Variants in DLG2 observed in about 807,000 individuals in gnomAD.
DLG2 encodes the protein disks large homolog 2.
Under a neutral mutation model 132.5 loss-of-function variants are expected in DLG2, and 45 were observed. That is an observed-to-expected ratio of 0.34 (90% CI 0.27 to 0.44). The LOEUF (loss-of-function observed/expected upper bound fraction) is 0.44, where lower values mean the gene tolerates loss of function less well. Among genes scored for constraint, DLG2 ranks in the 20% least tolerant of loss-of-function variants. DLG2 has a pLI of 1.00. For synonymous variants in DLG2, 424 were observed against 419.6 expected, an observed-to-expected ratio of 1.01 and a Z score of -0.13; for missense variants, 1,045 against 1,196.9, an observed-to-expected ratio of 0.87 and a Z score of 1.87.
chr11:83,696,252 G>C (rs1260977325), intron 18 of DLG2, among the ~76,000 whole-genome samples: 1 of 152,152 alleles, frequency 6.6e-6, no homozygotes, highest in African/African-American at 2.4e-5. Context: ...ATATTAGGAA[G>C]GAGAAAATCT....
chr11:84,957,792 G>A (rs984423359), intron 6 of DLG2, among the ~76,000 whole-genome samples: 1 of 152,164 alleles, frequency 6.6e-6, no homozygotes, highest in Admixed American at 6.5e-5. Context: ...TAAGACTCAC[G>A]TGTATCATCT....
chr11:85,368,324 A>C (rs757904159), intron 3 of DLG2, among the ~76,000 whole-genome samples: 4 of 152,192 alleles, frequency 2.6e-5, no homozygotes, highest in Non-Finnish European at 2.9e-5. Flanking sequence ...TAAGAAGACA[A>C]AGCCCTGTGC....
At chr11:85,473,295 C>A (rs2093043147) in intron 3 of DLG2, among the ~76,000 whole-genome samples, 1 of 152,134 alleles carries the variant, frequency 6.6e-6, no homozygotes, top group Non-Finnish European at 1.5e-5. Context: ...CACAAGGTCC[C>A]CAGCTGGCAA....
chr11:83,740,614 T>TCC (rs1180829502), intron 18 of DLG2, among the ~76,000 whole-genome samples: 1 of 152,184 alleles, frequency 6.6e-6, no homozygotes, highest in Admixed American at 6.5e-5. Flanking sequence ...TACTTCTGAT[T>TCC]TGTGCATTTT....
chr11:84,080,641 G>C (rs1428400261), intron 10 of DLG2, among the ~76,000 whole-genome samples: 1 of 152,152 alleles, frequency 6.6e-6, no homozygotes, highest in Non-Finnish European at 1.5e-5. Flanking sequence ...TCAACATGCA[G>C]ATAAACAGGG....
Position 85,185,612 on chromosome 11 carries a change from T to G in DLG2, c.187-30961A>C, listed in dbSNP as rs111409995. Among the ~76,000 whole-genome samples, 347 of 151,830 alleles carry G rather than the reference T, an allele frequency of 2.3e-3. 3 individuals carry two copies. The highest frequency in any genetic ancestry group is 8.0e-3 in the African/African-American group (331 of 41,456). On this transcript the variant is annotated intron_variant, in intron 4 of 27. Transcript: ENST00000376104. ...TTCCCAGTGCCACTAATACTCTTTT[T>G]TCCACCCTTCTATCTGCTTGGCTGA...
intron 5 of DLG2, among the ~76,000 whole-genome samples, chr11:85,134,654 A>G (rs183475369): frequency 1.3e-3 from 205 of 152,020 alleles, no homozygotes; most frequent in Middle Eastern, 3.4e-3. Flanking sequence ...CAATATCCCA[A>G]TAACCTCCTG....
Position 83,877,023 on chromosome 11 carries a change from T to C in DLG2, c.1497-2535A>G, listed in dbSNP as rs181031300. ...CATGTTGATATCAATTACTTTTTTC[T>C]TATTTTACAATTTTCTTCAGATGCG... On this transcript the variant is annotated intron_variant, in intron 15 of 27. Coordinates refer to ENST00000376104, the MANE Select transcript of DLG2 (RefSeq NM_001142699.3). 1.5e-4 allele frequency among the ~76,000 whole-genome samples: 23 copies of C among 152,236 alleles called. No homozygotes were observed. In the South Asian group the frequency reaches 2.3e-3, roughly 15 times the overall value.
At chr11:85,010,822 C>T (rs771671241) in intron 6 of DLG2, among the ~76,000 whole-genome samples, 58 of 152,090 alleles carry the variant, frequency 3.8e-4, no homozygotes, top group Middle Eastern at 3.4e-3. Flanking sequence ...TGGTTTCCAC[C>T]GCAAAACAAA....
intron 7 of DLG2, among the ~76,000 whole-genome samples, chr11:84,406,293 T>C (rs1198104975): frequency 6.6e-6 from 1 of 152,262 alleles, no homozygotes; most frequent in South Asian, 2.1e-4. Flanking sequence ...CTGACCTTTT[T>C]TTGTTGTTGT....
chr11:83,518,308 A>G (rs1318668527), intron 21 of DLG2, among the ~76,000 whole-genome samples: 1 of 152,204 alleles, frequency 6.6e-6, no homozygotes, highest in Non-Finnish European at 1.5e-5. Flanking sequence ...ATGGGCGTAG[A>G]ACCCTCCAAG....
At chr11:85,379,465 G>C (rs952758468) in intron 3 of DLG2, among the ~76,000 whole-genome samples, 1 of 152,152 alleles carries the variant, frequency 6.6e-6, no homozygotes, top group African/African-American at 2.4e-5. Context: ...ATTGACTTAA[G>C]AGTGGAACGA....
chr11:84,554,724 C>T (rs543509883), intron 6 of DLG2, among the ~76,000 whole-genome samples: 1 of 151,906 alleles, frequency 6.6e-6, no homozygotes, highest in South Asian at 2.1e-4. Context: ...CCAGCCTGGG[C>T]AACGAGAGTG....
intron 6 of DLG2, among the ~76,000 whole-genome samples, chr11:84,889,261 CG>C (rs2088894990): frequency 6.6e-6 from 1 of 152,044 alleles, no homozygotes; most frequent in African/African-American, 2.4e-5. Context: ...GATTGTTAAG[CG>C]CTAGGTAATA....
intron 3 of DLG2, among the ~76,000 whole-genome samples, chr11:85,429,619 A>G (rs1217618840): frequency 6.6e-6 from 1 of 152,254 alleles, no homozygotes; most frequent in African/African-American, 2.4e-5. Flanking sequence ...GCTCGTCATC[A>G]CTGGCCATCA....
chr11:85,517,434 C>A (rs147277042), intron 3 of DLG2, among the ~76,000 whole-genome samples: 1 of 152,110 alleles, frequency 6.6e-6, no homozygotes, highest in East Asian at 1.9e-4. Flanking sequence ...CTAGCCAGGG[C>A]AATCAGGAAG....
chr11:83,712,474 C>CA (rs1298302391), intron 18 of DLG2, among the ~76,000 whole-genome samples: 1 of 151,936 alleles, frequency 6.6e-6, no homozygotes, highest in African/African-American at 2.4e-5. Context: ...ATTAAAAATA[C>CA]AAAAAATTAG....
In DLG2 at chr11:84,819,076, TACAC is replaced by T. The variant is rs111644735; in HGVS notation, c.358-284349_358-284346del. On this transcript the variant is annotated intron_variant, in intron 6 of 27. Transcript: ENST00000376104. ...TGGCCCACACTCCCTCACTCACAAA[TACAC>T]ACACACACACACACACACACACACA... Among the ~76,000 whole-genome samples, 126 of 129,512 alleles carry T rather than the reference TACAC, an allele frequency of 9.7e-4. 1 individual carries two copies. The highest frequency in any genetic ancestry group is 2.8e-3 in the African/African-American group (97 of 34,506). 85.0% of individuals were successfully genotyped at this position (129,512 alleles called of 152,430 possible).
At chr11:85,599,987 T>G (rs914400198) in intron 2 of DLG2, among the ~76,000 whole-genome samples, 9 of 152,192 alleles carry the variant, frequency 5.9e-5, no homozygotes, top group Non-Finnish European at 1.3e-4. Flanking sequence ...ATAATAACAA[T>G]AGCTTATATT....
Sources: gnomAD v4.1 joint callset for allele counts (sites outside exome capture counted in the v4.1 genomes callset) on GRCh38, gnomAD v4.1.1 for gene constraint, MANE v1.5 for transcripts, NCBI Gene and HGNC (gene_info 2026-07-23, HGNC 2026-07-21) for gene names.